FBXO17: variants seen among roughly 807,000 people sequenced by gnomAD.
The protein encoded by FBXO17 is F-box only protein 17.
In FBXO17, 43 loss-of-function variants were observed where a neutral mutation model predicts 34.1. That is an observed-to-expected ratio of 1.26 (90% CI 0.99 to 1.62). FBXO17 has a LOEUF of 1.62. FBXO17 is among the 40% of genes most tolerant of loss of function. The pLI is 0.00. For missense variants in FBXO17, 424 were observed against 386.7 expected (o/e 1.10, Z -0.81); for synonymous variants, 169 against 166.0 (o/e 1.02, Z -0.14).
rs1333747106 is a variant in FBXO17, at chr19:38,975,093, C to A, written c.-18+493G>T. ...CAAAATTTAAATTGAGGGTTGGGGC[C>A]GCAGCGAAACACATAATGTGCCCAA... On this transcript the variant is annotated intron_variant, in intron 1 of 5. Transcript: ENST00000292852. This position sits in a 1 kb window ranked among gnomAD's most constrained non-coding sequence, Gnocchi z 4.9. Among the ~76,000 whole-genome samples the A allele has an allele frequency of 1.3e-5, 2 of 152,066 alleles. No homozygotes were observed. Among genetic ancestry groups the A allele is most frequent in the African/African-American group, 4.8e-5 (2 of 41,392 alleles).
intron 4 of FBXO17, 150 bp downstream of exon 4, chr19:38,946,322 T>G: frequency 7.6e-7 from 1 of 1,312,824 alleles, no homozygotes; most frequent in Non-Finnish European, 1.0e-6. Flanking sequence ...CTTCCCCGGC[T>G]CTGCATCACT....
intron 1 of FBXO17, among the ~76,000 whole-genome samples, chr19:38,957,310 G>A (rs566389892): frequency 6.6e-6 from 1 of 152,238 alleles, no homozygotes; most frequent in African/African-American, 2.4e-5. Context: ...TAGTTTCCTG[G>A]AGTTCTTCTT....
intron 1 of FBXO17, among the ~76,000 whole-genome samples, chr19:38,968,955 C>T (rs181225867): frequency 5.9e-5 from 9 of 152,072 alleles, no homozygotes; most frequent in Admixed American, 2.6e-4. Context: ...TGCTTTGTTA[C>T]GGTGGTGATG....
At position 38,955,483 on chromosome 19, in the gene FBXO17, TC is replaced by T. The variant is rs375333274; in HGVS notation, c.-17-5148del. ...TTCTTTCTAAAACATTTTCTTTCTT[TC>T]TTTTTTTTTTTTTTTTTGAGACAGA... On this transcript the variant is annotated intron_variant, in intron 1 of 5. Transcript: ENST00000292852. 3.9e-3 allele frequency among the ~76,000 whole-genome samples: 565 copies of T among 146,208 alleles called. 2 individuals are homozygous for T. Among genetic ancestry groups the T allele is most frequent in the African/African-American group, 0.012 (486 of 39,202 alleles).
chr19:38,943,101 C>A (rs906409113), intron 5 of FBXO17, among the ~76,000 whole-genome samples: 1 of 151,734 alleles, frequency 6.6e-6, no homozygotes, highest in Non-Finnish European at 1.5e-5. Context: ...GAACGGCCCG[C>A]GCAAAGGCCC....
chr19:38,942,581 T>A lies in FBXO17; in HGVS notation c.*27A>T, dbSNP rs1049785390. ...ACCTGGCTGCAAGGCTGGTCTTGAC[T>A]GACAACGTCAGGCAGTAGTCCAGTC... On this transcript the variant is annotated 3_prime_UTR_variant, in exon 6 of 6. Transcript: ENST00000292852. 3.3e-6 allele frequency: 5 copies of A among 1,521,234 alleles called. No individual in the cohort carries two copies. The highest frequency in any genetic ancestry group is 4.4e-6 in the Non-Finnish European group (5 of 1,138,590). 94.2% of individuals were successfully genotyped at this position (1,521,234 alleles called of 1,614,324 possible). A position where few individuals can be genotyped will look rare whatever the true frequency, so the allele number is the denominator to read the frequency against.
intron 4 of FBXO17, chr19:38,945,614 C>T (rs1974969817): frequency 1.3e-5 from 1 of 76,838 alleles, no homozygotes; most frequent in Non-Finnish European, 2.4e-5. Flanking sequence ...AGGGGAGGAG[C>T]CTGGGTGGTC....
At chr19:38,953,475 T>C (rs1975116897) in intron 1 of FBXO17, among the ~76,000 whole-genome samples, 1 of 151,818 alleles carries the variant, frequency 6.6e-6, no homozygotes, top group Admixed American at 6.6e-5. Flanking sequence ...CCAGCCTGGC[T>C]AACATAGTGA....
chr19:38,951,340 TTTTA>T (rs903794004), intron 1 of FBXO17, among the ~76,000 whole-genome samples: 2 of 151,410 alleles, frequency 1.3e-5, no homozygotes, highest in Non-Finnish European at 2.9e-5. Flanking sequence ...TAGTTTTTTA[TTTTA>T]TTTATTGTTT....
chr19:38,946,402 A>C, intron 4 of FBXO17, 70 bp downstream of exon 4: 1 of 1,604,000 alleles, frequency 6.2e-7, no homozygotes, highest in South Asian at 1.1e-5. Context: ...GGGGCGGGAA[A>C]TGAGCCCCTG....
In FBXO17 at chr19:38,949,953, C is replaced by A; in HGVS notation, c.349+18G>T. 1 of 1,516,956 alleles carries A rather than the reference C, an allele frequency of 6.6e-7. No homozygotes were observed. Among genetic ancestry groups the A allele is most frequent in the Non-Finnish European group, 8.8e-7 (1 of 1,135,156 alleles). 94.0% of individuals were successfully genotyped at this position (1,516,956 alleles called of 1,614,324 possible). On this transcript the variant is annotated intron_variant, in intron 2 of 5. Transcript: ENST00000292852. ...CGCGGCCCCCCTCAGCCTCCTGGGCCCCGCCCCCGTCACCCACGCTCTCCG... is the reference window on the plus strand; with the variant it reads ...CGCGGCCCCCCTCAGCCTCCTGGGCACCGCCCCCGTCACCCACGCTCTCCG...
chr19:38,967,936 C>T (rs938938647), intron 1 of FBXO17, among the ~76,000 whole-genome samples: 2 of 152,100 alleles, frequency 1.3e-5, no homozygotes, highest in East Asian at 1.9e-4. Flanking sequence ...CTCAAACTGA[C>T]GATACTGACA....
At chr19:38,945,220 A>C in intron 4 of FBXO17, 116 bp from the exon 5 acceptor site, 1 of 1,361,028 alleles carries the variant, frequency 7.3e-7, no homozygotes, top group Non-Finnish European at 1.0e-6. Flanking sequence ...TCTGGACCAC[A>C]TTTGGAGACG....
At chr19:38,959,428 G>A (rs1357956670) in intron 1 of FBXO17, among the ~76,000 whole-genome samples, 1 of 150,974 alleles carries the variant, frequency 6.6e-6, no homozygotes, top group African/African-American at 2.4e-5. Context: ...ACAGGCACAC[G>A]CCACCATGCC....
intron 3 of FBXO17, 31 bp downstream of exon 3, chr19:38,948,536 G>A (rs1227457970): frequency 6.4e-7 from 1 of 1,574,640 alleles, no homozygotes; most frequent in Admixed American, 1.8e-5. Context: ...CTTTGCCCCA[G>A]GGATCGGGGC....
rs770356995 is a variant in FBXO17 at position 38,950,025 on chromosome 19, A to G, written c.295T>C (p.Tyr99His). The change falls in exon 2 of 6, where the codon TAC becomes CAC. Residue 99 changes from tyrosine (Y) to histidine (H), a missense_variant. Coordinates refer to ENST00000292852, the MANE Select transcript of FBXO17 (RefSeq NM_024907.7). ...CGGCCGAAGGGCGCGCGCAGACAGT[A>G]GCGCGCCAGGGCGCACAGCGGGAAC... ...EEFPLCALAR[Y>H]CLRAPFGRNL... 6.4e-7 allele frequency: 1 copy of G among 1,563,690 alleles called. No homozygotes were observed. The highest frequency in any genetic ancestry group is 2.4e-5 in the East Asian group (1 of 41,724).
At chr19:38,961,116 A>G (rs1041084551) in intron 1 of FBXO17, among the ~76,000 whole-genome samples, 2 of 151,918 alleles carry the variant, frequency 1.3e-5, no homozygotes, top group Non-Finnish European at 2.9e-5. Context: ...CCCAGATAAT[A>G]TACTTTCATC....
intron 3 of FBXO17, 164 bp from the exon 4 acceptor site, chr19:38,946,731 C>T: frequency 1.0e-6 from 1 of 978,044 alleles, no homozygotes; most frequent in African/African-American, 1.6e-5. Context: ...TACATCTCTC[C>T]TTGGCCTCTT....
At chr19:38,961,099 C>T (rs370210007) in intron 1 of FBXO17, among the ~76,000 whole-genome samples, 29 of 152,030 alleles carry the variant, frequency 1.9e-4, no homozygotes, top group African/African-American at 7.0e-4. Context: ...TGAGCCACTG[C>T]GCATGGCCCA....
Sources: allele counts gnomAD v4.1 joint callset (sites outside exome capture counted in the v4.1 genomes callset), GRCh38; gene constraint gnomAD v4.1.1; non-coding constraint Gnocchi (gnomAD v3.1); transcripts MANE v1.5; gene names NCBI Gene and HGNC (gene_info 2026-07-23, HGNC 2026-07-21).